Variants in TGFA observed in about 807,000 individuals in gnomAD.
The protein encoded by TGFA is protransforming growth factor alpha.
Under a neutral mutation model 21.7 loss-of-function variants are expected in TGFA, and 12 were observed. The observed-to-expected ratio is 0.55, with a 90% CI of 0.35 to 0.90. TGFA has a LOEUF of 0.90. Ranked by LOEUF, TGFA falls within the 40% of genes least tolerant of loss-of-function variation. TGFA has a pLI of 0.01. For missense variants in TGFA, 178 were observed against 210.8 expected, an observed-to-expected ratio of 0.84 and a Z score of 0.96; for synonymous variants, 79 against 88.1, an observed-to-expected ratio of 0.90 and a Z score of 0.58.
intron 5 of TGFA, chr2:70,451,880 G>A (rs1462609907): frequency 1.4e-5 from 9 of 636,266 alleles, no homozygotes; most frequent in Non-Finnish European, 2.2e-5. Flanking sequence ...CATCGCTCAT[G>A]AGCCATCCTC....
chr2:70,515,462 T>A (rs1021820712), intron 1 of TGFA, among the ~76,000 whole-genome samples: 8 of 152,006 alleles, frequency 5.3e-5, no homozygotes, highest in African/African-American at 1.9e-4. Flanking sequence ...CCCTCTGGGG[T>A]TTCCTTCCAG....
intron 2 of TGFA, among the ~76,000 whole-genome samples, chr2:70,470,799 G>C (rs899958491): frequency 4.6e-5 from 7 of 152,188 alleles, no homozygotes; most frequent in Admixed American, 6.5e-5. Flanking sequence ...AAAGGGCAGA[G>C]AGGATGAAGG....
Position 70,457,992 on chromosome 2 carries a change from G to A in TGFA, c.216-1504C>T, listed in dbSNP as rs548855088. Among the ~76,000 whole-genome samples the A allele has an allele frequency of 9.1e-4, 139 of 152,200 alleles. 1 individual carries two copies. Among genetic ancestry groups the A allele is most frequent in the African/African-American group, 3.1e-3 (127 of 41,540 alleles). ...ATTAATTAGCTAGCCTCTAACCTTC[G>A]CTTTTAGATTAAAAGGCCCTTGAAG... On this transcript the variant is annotated intron_variant, in intron 3 of 5. Coordinates refer to ENST00000295400, the MANE Select transcript of TGFA (RefSeq NM_003236.4).
chr2:70,474,969 CGTGT>C (rs57147767), intron 2 of TGFA, among the ~76,000 whole-genome samples: 46,722 of 147,538 alleles, frequency 0.32, 7,594 homozygotes, highest in East Asian at 0.39. Context: ...ACACAGCAGC[CGTGT>C]GTGTGTGTGT....
At chr2:70,487,019 C>G (rs1553496833) in intron 2 of TGFA, among the ~76,000 whole-genome samples, 1 of 152,216 alleles carries the variant, frequency 6.6e-6, no homozygotes, top group South Asian at 2.1e-4. Context: ...GCCTCGGCCT[C>G]CCAAAGTGCT....
In TGFA at chr2:70,452,920, G is replaced by GTGAT. The variant is rs1670102453; in HGVS notation, c.475+294_475+297dup. ...ATCACGCCATTGCACTCCAGCCTGG[G>GTGAT]TGATAGAGTAAGACTCCGTCTCAAA... On this transcript the variant is annotated intron_variant, in intron 5 of 5. Transcript: ENST00000295400. Among the ~76,000 whole-genome samples, 5 of 152,276 alleles carry GTGAT rather than the reference G, an allele frequency of 3.3e-5. No individual in the cohort carries two copies. The South Asian group carries it at 1.0e-3, about 32-fold the overall frequency.
chr2:70,515,047 A>G (rs2103855792), intron 1 of TGFA, 135 bp from the exon 2 acceptor site: 2 of 727,980 alleles, frequency 2.7e-6, no homozygotes, highest in East Asian at 5.5e-5. Flanking sequence ...AGGCTCAGCT[A>G]CATAATTTGT....
At chr2:70,510,153 C>G (rs1472703085) in intron 2 of TGFA, among the ~76,000 whole-genome samples, 20 of 152,206 alleles carry the variant, frequency 1.3e-4, no homozygotes, top group African/African-American at 4.6e-4. Flanking sequence ...CACATTCCCC[C>G]ACGGGTTCCC....
At chr2:70,552,613 T>C (rs1553506972) in intron 1 of TGFA, among the ~76,000 whole-genome samples, 2 of 152,226 alleles carry the variant, frequency 1.3e-5, no homozygotes, top group African/African-American at 4.8e-5. Context: ...CCTCCCCTTC[T>C]GCTGCGGTTT....
chr2:70,473,716 A>G (rs1002433405), intron 2 of TGFA, among the ~76,000 whole-genome samples: 1 of 152,076 alleles, frequency 6.6e-6, no homozygotes, highest in African/African-American at 2.4e-5. Flanking sequence ...TGAGATAAAT[A>G]TAATTATGCA....
chr2:70,538,614 A>G (rs532470935), intron 1 of TGFA, among the ~76,000 whole-genome samples: 85 of 152,352 alleles, frequency 5.6e-4, no homozygotes, highest in African/African-American at 2.0e-3. Flanking sequence ...GAGAACTGGA[A>G]TTAGAAGTAA....
intron 1 of TGFA, among the ~76,000 whole-genome samples, chr2:70,547,562 ATG>A (rs199621575): frequency 0.012 from 1,695 of 135,744 alleles, 31 homozygotes; most frequent in African/African-American, 0.043. Flanking sequence ...AAAAAAAAAC[ATG>A]AAAAACAAAC....
At position 70,517,893 on chromosome 2, in the gene TGFA, A is replaced by G. The variant is rs1451976844; in HGVS notation, c.41-2981T>C. 5.3e-5 allele frequency among the ~76,000 whole-genome samples: 8 copies of G among 152,236 alleles called. No homozygotes were observed. The East Asian group carries it at 1.5e-3, about 29-fold the overall frequency. On this transcript the variant is annotated intron_variant, in intron 1 of 5. Transcript: ENST00000295400. ...GCCTCCAGTCTCCCTGCCATGAACAAGGTCTAATGAGGGGCAAAGGTATGA... is the reference window on the plus strand; with the variant it reads ...GCCTCCAGTCTCCCTGCCATGAACAGGGTCTAATGAGGGGCAAAGGTATGA...
chr2:70,552,244 A>T (rs1406539874), intron 1 of TGFA, among the ~76,000 whole-genome samples: 1 of 152,168 alleles, frequency 6.6e-6, no homozygotes, highest in African/African-American at 2.4e-5. Context: ...CACCTTCTTT[A>T]TCCGGTTGGT....
intron 1 of TGFA, among the ~76,000 whole-genome samples, chr2:70,521,613 GTTTGTT>G (rs1672468593): frequency 1.4e-5 from 1 of 74,050 alleles, no homozygotes; most frequent in Non-Finnish European, 2.8e-5. Flanking sequence ...GTTGTTGTTT[GTTTGTT>G]TTTTTTTTTT....
intron 1 of TGFA, among the ~76,000 whole-genome samples, chr2:70,552,471 C>CA (rs1559149883): frequency 6.6e-6 from 1 of 152,190 alleles, no homozygotes; most frequent in Non-Finnish European, 1.5e-5. Flanking sequence ...TACATGCACA[C>CA]AAAAAAGGCA....
At chr2:70,505,181 C>A (rs896605855) in intron 2 of TGFA, among the ~76,000 whole-genome samples, 11 of 152,094 alleles carry the variant, frequency 7.2e-5, no homozygotes, top group Non-Finnish European at 1.5e-4. Flanking sequence ...TGTTTATTAA[C>A]TCATTTAATA....
In TGFA at chr2:70,465,728, G is replaced by C; in HGVS notation, c.103C>G (p.Pro35Ala). The C allele has an allele frequency of 6.2e-7, 1 of 1,614,018 alleles. No individual in the cohort carries two copies. The highest frequency in any genetic ancestry group is 8.5e-7 in the Non-Finnish European group (1 of 1,179,988). ...NSTSPLSADPPVAAAVVSHFN... is the reference protein window; with the variant it reads ...NSTSPLSADPAVAAAVVSHFN... ...TGGGACACCACTGCTGCAGCCACGGGCGGGTCTGCTGGGGAGAGGAAAGAT... is the reference window on the plus strand; with the variant it reads ...TGGGACACCACTGCTGCAGCCACGGCCGGGTCTGCTGGGGAGAGGAAAGAT... Residue 35 changes from proline (P) to alanine (A), a missense_variant, in exon 3 of 6, where the codon CCC becomes GCC. Coordinates refer to ENST00000295400, the MANE Select transcript of TGFA (RefSeq NM_003236.4).
intron 1 of TGFA, 143 bp from the exon 2 acceptor site, chr2:70,515,055 T>C (rs1672230586): frequency 1.4e-6 from 1 of 691,662 alleles, no homozygotes; most frequent in African/African-American, 1.8e-5. Context: ...CTACATAATT[T>C]GTGGATATCA....
Sources: gnomAD v4.1 joint callset for allele counts (sites outside exome capture counted in the v4.1 genomes callset) on GRCh38, gnomAD v4.1.1 for gene constraint, MANE v1.5 for transcripts, NCBI Gene and HGNC (gene_info 2026-07-23, HGNC 2026-07-21) for gene names.